MUC7: variants seen among roughly 807,000 people sequenced by gnomAD.
MUC7 encodes the protein mucin 7, secreted.
In MUC7, 2 loss-of-function variants were observed where a neutral mutation model predicts 2.5. The observed-to-expected ratio is 0.81, with a 90% CI of 0.33 to 2.55. MUC7 has a LOEUF of 2.55. MUC7 is among the 30% of genes most tolerant of loss of function. MUC7 has a pLI of 0.11. For missense variants in MUC7, 408 were observed against 455.6 expected (o/e 0.90, Z 0.95); for synonymous variants, 133 against 173.4 (o/e 0.77, Z 1.83).
At chr4:70,457,161 G>C (rs1216378949) in intron 1 of MUC7, among the ~76,000 whole-genome samples, 2 of 152,164 alleles carry the variant, frequency 1.3e-5, no homozygotes, top group African/African-American at 4.8e-5. Context: ...ACCGACACTT[G>C]GCCAGGTGTG....
chr4:70,433,086 T>C (rs1294423196), intron 1 of MUC7, among the ~76,000 whole-genome samples: 2 of 152,220 alleles, frequency 1.3e-5, no homozygotes, highest in Non-Finnish European at 2.9e-5. Context: ...TCCATTGGTC[T>C]ATATATCTGT....
chr4:70,460,857 C>T (rs1433230370), intron 1 of MUC7, among the ~76,000 whole-genome samples: 6 of 152,288 alleles, frequency 3.9e-5, no homozygotes, highest in African/African-American at 9.6e-5. Flanking sequence ...TCTCTCACAA[C>T]GGCACCCTAC....
intron 1 of MUC7, among the ~76,000 whole-genome samples, chr4:70,457,345 C>T (rs976595095): frequency 3.3e-5 from 5 of 151,978 alleles, no homozygotes; most frequent in Admixed American, 3.3e-4. Context: ...ACTCAAAAGA[C>T]AGGTGGGAGA....
At chr4:70,462,032 G>A (rs192218702) in intron 1 of MUC7, among the ~76,000 whole-genome samples, 12 of 152,122 alleles carry the variant, frequency 7.9e-5, no homozygotes, top group African/African-American at 2.9e-4. Flanking sequence ...GGCAACATAA[G>A]GGGACCCCGT....
intron 1 of MUC7, among the ~76,000 whole-genome samples, chr4:70,452,792 C>T (rs1005267913): frequency 2.0e-5 from 3 of 152,132 alleles, no homozygotes; most frequent in Non-Finnish European, 4.4e-5. Flanking sequence ...GAGTTTTCTG[C>T]CCTCAGATGA....
rs748370700 is a variant in MUC7, at chr4:70,481,027, G to A, written c.283G>A (p.Asp95Asn). ...TCCTCACCAGCCACCTAAACATCCA[G>A]ATAAAAATAGCAGTGTGGTCAACCC... ...PNPHQPPKHP[D>N]KNSSVVNPTL... is the part of the protein sequence containing the mutation. The change falls in exon 3 of 3, where the codon GAT becomes AAT. Residue 95 changes from aspartate to asparagine, a missense_variant. Physicochemically the swap from Asp to Asn is conservative, Grantham distance 23 (BLOSUM62 1). Around this residue, in one of 3 missense-constraint regions of MUC7, gnomAD observed 225 missense variants for 240.5 expected, o/e 0.94. Coordinates refer to ENST00000304887, the MANE Select transcript of MUC7 (RefSeq NM_152291.3). The A allele has an allele frequency of 1.9e-6, 3 of 1,614,040 alleles. No homozygotes were observed. The highest frequency in any genetic ancestry group is 2.5e-6 in the Non-Finnish European group (3 of 1,180,012).
chr4:70,454,163 G>GGTCA (rs1030066324), intron 1 of MUC7, among the ~76,000 whole-genome samples: 1 of 152,126 alleles, frequency 6.6e-6, no homozygotes, highest in African/African-American at 2.4e-5. Flanking sequence ...TCTCTCCCTA[G>GGTCA]GTCATATGCC....
At chr4:70,469,915 C>T (rs1316257157), upstream of MUC7, among the ~76,000 whole-genome samples, 1 of 152,116 alleles carries the variant, frequency 6.6e-6, no homozygotes, top group East Asian at 1.9e-4. Flanking sequence ...CGGGTATATA[C>T]CCAAAGGATT....
In MUC7 at chr4:70,481,195, G is replaced by A. The variant is rs770385659; in HGVS notation, c.451G>A (p.Val151Ile). 9.3e-6 allele frequency: 15 copies of A among 1,614,124 alleles called. No homozygotes were observed. In the East Asian group the frequency reaches 3.3e-4, roughly 36 times the overall value. ...SRENVNTSSSVATLAPVNSPA... is the reference protein window; with the variant it reads ...SRENVNTSSSIATLAPVNSPA... ...AGAAAATGTTAACACAAGCTCTTCT[G>A]TAGCTACATTAGCACCAGTGAATTC... The change falls in exon 3 of 3, where the codon GTA (valine) becomes ATA (isoleucine). Residue 151 changes from valine to isoleucine, a missense_variant. By Grantham distance (29) the Val-to-Ile change is conservative. Coordinates refer to ENST00000304887, the MANE Select transcript of MUC7 (RefSeq NM_152291.3).
At chr4:70,432,564 C>A (rs369748418) in intron 1 of MUC7, among the ~76,000 whole-genome samples, 1 of 152,106 alleles carries the variant, frequency 6.6e-6, no homozygotes, top group Non-Finnish European at 1.5e-5. Flanking sequence ...AATGTCTGTT[C>A]GTATCTTTTG....
intron 1 of MUC7, among the ~76,000 whole-genome samples, chr4:70,464,023 G>A (rs1463976896): frequency 6.6e-6 from 1 of 152,198 alleles, no homozygotes; most frequent in African/African-American, 2.4e-5. Context: ...GAAGGTGGGT[G>A]ATTTCTGCAT....
intron 1 of MUC7, among the ~76,000 whole-genome samples, chr4:70,451,133 C>G (rs1445300037): frequency 2.6e-5 from 4 of 152,222 alleles, no homozygotes; most frequent in African/African-American, 9.6e-5. Flanking sequence ...ACCACTAGGA[C>G]TGGTGATTCT....
chr4:70,462,889 C>A (rs1734593161), intron 1 of MUC7, among the ~76,000 whole-genome samples: 1 of 152,086 alleles, frequency 6.6e-6, no homozygotes, highest in Non-Finnish European at 1.5e-5. Flanking sequence ...TGGCTTCAGA[C>A]CAAGAGTTTG....
chr4:70,471,926 GGTT>G (rs1035819915), upstream of MUC7: 1 of 152,088 alleles, frequency 6.6e-6, no homozygotes, highest in African/African-American at 2.4e-5. Flanking sequence ...CCTGGGCCAT[GGTT>G]GTTTGTTTCT....
chr4:70,469,991 A>C (rs1002924021), upstream of MUC7, among the ~76,000 whole-genome samples: 11 of 152,242 alleles, frequency 7.2e-5, no homozygotes, highest in Non-Finnish European at 1.5e-4. Flanking sequence ...TACAATAGCA[A>C]AGACTTGGAA....
intron 2 of MUC7, among the ~76,000 whole-genome samples, chr4:70,476,909 C>G (rs1351936494): frequency 2.6e-5 from 4 of 152,236 alleles, no homozygotes; most frequent in Non-Finnish European, 5.9e-5. Context: ...TTTCAGGGAG[C>G]AGATAGTCTG....
At chr4:70,479,692 T>A (rs944364262) in intron 2 of MUC7, among the ~76,000 whole-genome samples, 1 of 152,212 alleles carries the variant, frequency 6.6e-6, no homozygotes, top group African/African-American at 2.4e-5. Flanking sequence ...GAAACAGTGA[T>A]GGTACTCTAA....
At chr4:70,471,701 A>G (rs1233742455), upstream of MUC7, among the ~76,000 whole-genome samples, 1 of 152,158 alleles carries the variant, frequency 6.6e-6, no homozygotes, top group Non-Finnish European at 1.5e-5. Flanking sequence ...AATTACTTGT[A>G]TTTAAAAATT....
intron 1 of MUC7, among the ~76,000 whole-genome samples, chr4:70,463,616 T>C (rs1185783472): frequency 6.6e-6 from 1 of 152,220 alleles, no homozygotes; most frequent in Non-Finnish European, 1.5e-5. Context: ...CAACATTCAG[T>C]GCTAATTTAA....
Sources: gnomAD v4.1 joint callset for allele counts (sites outside exome capture counted in the v4.1 genomes callset) on GRCh38, gnomAD v4.1.1 for gene constraint, gnomAD v4.1.1 regional missense constraint, MANE v1.5 for transcripts, NCBI Gene and HGNC (gene_info 2026-07-23, HGNC 2026-07-21) for gene names.